The following PRKAG2 variants were observed in gnomAD, a reference collection of about 807,000 sequenced individuals.
The protein encoded by PRKAG2 is 5'-AMP-activated protein kinase subunit gamma-2.
PRKAG2 carries 26 observed loss-of-function variants against 69.6 expected under a neutral mutation model. The observed-to-expected ratio is 0.37, with a 90% CI of 0.27 to 0.52. The LOEUF (loss-of-function observed/expected upper bound fraction) is 0.52, where lower values mean the gene tolerates loss of function less well. Among genes scored for constraint, PRKAG2 ranks in the 20% least tolerant of loss-of-function variants. The probability of loss-of-function intolerance (pLI) is 0.90; values close to 1 mark genes in which losing one functional copy is unlikely to be tolerated. For missense variants in PRKAG2, 557 were observed against 740.0 expected, an observed-to-expected ratio of 0.75 and a Z score of 2.87; for synonymous variants, 293 against 285.0, an observed-to-expected ratio of 1.03 and a Z score of -0.28.
At chr7:151,640,738 A>G (rs560935446) in intron 4 of PRKAG2, among the ~76,000 whole-genome samples, 3 of 152,002 alleles carry the variant, frequency 2.0e-5, no homozygotes, top group East Asian at 3.9e-4. Flanking sequence ...CTCTGAACCC[A>G]CATGCTTCCA....
chr7:151,560,696 C>T (rs1804746861), intron 14 of PRKAG2, 79 bp from the exon 15 acceptor site: 1 of 1,545,214 alleles, frequency 6.5e-7, no homozygotes, highest in Non-Finnish European at 8.9e-7. Context: ...AATGTCCTGT[C>T]ATGTTTTTAT....
intron 1 of PRKAG2, among the ~76,000 whole-genome samples, chr7:151,825,088 C>A (rs899310286): frequency 6.6e-6 from 1 of 152,130 alleles, no homozygotes; most frequent in South Asian, 2.1e-4. Context: ...GTGGCAGGCG[C>A]GTGTAATCTC....
At position 151,781,512 on chromosome 7, in the gene PRKAG2, G is replaced by C; in HGVS notation, c.187-81C>G. On this transcript the variant is annotated intron_variant, in intron 2 of 15. Coordinates refer to ENST00000287878, the MANE Select transcript of PRKAG2 (RefSeq NM_016203.4). This position sits in a 1 kb window ranked among gnomAD's most constrained non-coding sequence, Gnocchi z 6.1. ...CCTGCCCTGTATGAAACTTATCATT[G>C]TCCTCTCTCACATGCGGGCCCCCCA... 6.6e-7 allele frequency: 1 copy of C among 1,505,574 alleles called. No homozygotes were observed. The highest frequency in any genetic ancestry group is 9.0e-7 in the Non-Finnish European group (1 of 1,115,732). The allele number at this position is 1,505,574 out of a possible 1,614,324, so 93.3% of individuals were successfully genotyped here.
At chr7:151,723,206 AG>A (rs1797396018) in intron 3 of PRKAG2, among the ~76,000 whole-genome samples, 1 of 152,148 alleles carries the variant, frequency 6.6e-6, no homozygotes, top group Non-Finnish European at 1.5e-5. Flanking sequence ...CCCTGGTAAA[AG>A]CCATAAGTCC....
chr7:151,704,094 T>C (rs1838214667), intron 3 of PRKAG2, among the ~76,000 whole-genome samples: 1 of 151,854 alleles, frequency 6.6e-6, no homozygotes, highest in Admixed American at 6.6e-5. Flanking sequence ...AGTAGGTGTA[T>C]ATATTTATGG....
intron 3 of PRKAG2, among the ~76,000 whole-genome samples, chr7:151,722,237 G>C (rs113294452): frequency 1.0e-3 from 156 of 152,254 alleles, no homozygotes; most frequent in African/African-American, 3.7e-3. Context: ...TATAAAAGGG[G>C]TTCAGCCCAT....
Position 151,814,429 on chromosome 7 carries a change from G to A in PRKAG2, c.115-27888C>T. 8.1e-7 allele frequency: 1 copy of A among 1,228,716 alleles called. No individual in the cohort carries two copies. Among genetic ancestry groups the A allele is most frequent in the South Asian group, 4.3e-5 (1 of 23,452 alleles). The allele number at this position is 1,228,716 out of a possible 1,614,324, so 76.1% of individuals were successfully genotyped here. On this transcript the variant is annotated intron_variant, in intron 1 of 15. Transcript: ENST00000287878. This position sits in a 1 kb window ranked among gnomAD's most constrained non-coding sequence, Gnocchi z 4.8. ...AGGTCTGCTTACTCAGCCCCAAGGG[G>A]TCCTGGAGGTCTTCTCTTCCAGATG...
intron 5 of PRKAG2, among the ~76,000 whole-genome samples, chr7:151,631,358 A>C (rs530557695): frequency 6.6e-6 from 1 of 152,352 alleles, no homozygotes; most frequent in African/African-American, 2.4e-5. Context: ...CAGCTTCAAA[A>C]TAAGATCCTG....
At chr7:151,784,726 G>A (rs1405871020) in intron 2 of PRKAG2, among the ~76,000 whole-genome samples, 1 of 152,228 alleles carries the variant, frequency 6.6e-6, no homozygotes, top group Non-Finnish European at 1.5e-5. Flanking sequence ...GGGGACCCCA[G>A]GATTATCCTG....
chr7:151,849,991 G>A (rs567298275), intron 1 of PRKAG2, among the ~76,000 whole-genome samples: 21 of 152,312 alleles, frequency 1.4e-4, no homozygotes, highest in Admixed American at 6.5e-4. Context: ...TGCCCAGCCC[G>A]CAGCACGTTT....
chr7:151,848,791 C>T (rs547623616), intron 1 of PRKAG2, among the ~76,000 whole-genome samples: 45 of 152,260 alleles, frequency 3.0e-4, no homozygotes, highest in Non-Finnish European at 8.8e-5. Context: ...TCCCAAAGTG[C>T]TGGGATCACA....
chr7:151,637,732 C>G (rs1825979709), intron 4 of PRKAG2, among the ~76,000 whole-genome samples: 1 of 146,206 alleles, frequency 6.8e-6, no homozygotes, highest in Non-Finnish European at 1.5e-5. Flanking sequence ...TTATAACACA[C>G]TAAGTCAATT....
At chr7:151,735,081 C>G (rs536088532) in intron 3 of PRKAG2, among the ~76,000 whole-genome samples, 1 of 152,084 alleles carries the variant, frequency 6.6e-6, no homozygotes, top group Non-Finnish European at 1.5e-5. Flanking sequence ...GTCTCGAACT[C>G]CTGACCTCAG....
chr7:151,561,126 C>T lies in PRKAG2; in HGVS notation c.1585-509G>A, dbSNP rs1804857600. On this transcript the variant is annotated intron_variant, in intron 14 of 15. Transcript: ENST00000287878. ...AAGGAAAGAGGGGAAAGCTATCTAT[C>T]TCCTGTCTCTAATGATACTGATTTG... 2.0e-5 allele frequency among the ~76,000 whole-genome samples: 3 copies of T among 152,302 alleles called. No homozygotes were observed. In the South Asian group the frequency reaches 6.2e-4, roughly 32 times the overall value.
chr7:151,556,655 CACTT>C lies in PRKAG2; in HGVS notation c.*542_*545del, dbSNP rs1197499028. The C allele has an allele frequency of 6.5e-6, 1 of 154,762 alleles. No homozygotes were observed. Among genetic ancestry groups the C allele is most frequent in the Admixed American group, 6.3e-5 (1 of 15,892 alleles). The allele number at this position is 154,762 out of a possible 1,614,324, so 9.6% of individuals were successfully genotyped here. A position where few individuals can be genotyped will look rare whatever the true frequency, so the allele number is the denominator to read the frequency against. On this transcript the variant is annotated 3_prime_UTR_variant, in exon 16 of 16. Coordinates refer to ENST00000287878, the MANE Select transcript of PRKAG2 (RefSeq NM_016203.4). Reference sequence around the variant, plus strand: ...GTTGACACGGTAGCCCAGAACAAAACACTTACGTGTAAAAGTGTCATTACAATTT... The same window carrying C: ...GTTGACACGGTAGCCCAGAACAAAACACGTGTAAAAGTGTCATTACAATTT...
intron 3 of PRKAG2, among the ~76,000 whole-genome samples, chr7:151,774,215 G>A (rs1292835049): frequency 6.6e-6 from 1 of 152,114 alleles, no homozygotes; most frequent in African/African-American, 2.4e-5. Flanking sequence ...CTGACCAGAG[G>A]CAAATGTTAG....
intron 3 of PRKAG2, among the ~76,000 whole-genome samples, chr7:151,698,363 G>A (rs1221331153): frequency 6.6e-6 from 1 of 152,088 alleles, no homozygotes; most frequent in Non-Finnish European, 1.5e-5. Flanking sequence ...TGCTTCCTGG[G>A]ATCATCGCTG....
chr7:151,818,842 C>T (rs1021530051), intron 1 of PRKAG2, among the ~76,000 whole-genome samples: 6 of 152,198 alleles, frequency 3.9e-5, no homozygotes, highest in African/African-American at 7.2e-5. Context: ...GGGATGTAGA[C>T]GGTGTGGCAT....
At chr7:151,728,018 C>T (rs556651504) in intron 3 of PRKAG2, among the ~76,000 whole-genome samples, 33 of 152,296 alleles carry the variant, frequency 2.2e-4, no homozygotes, top group Non-Finnish European at 3.4e-4. Context: ...GAGGCCACTG[C>T]GCTGCTCAGC....
Sources: gnomAD v4.1 joint callset for allele counts (sites outside exome capture counted in the v4.1 genomes callset) on GRCh38, gnomAD v4.1.1 for gene constraint, Gnocchi (gnomAD v3.1) non-coding constraint, MANE v1.5 for transcripts, NCBI Gene and HGNC (gene_info 2026-07-23, HGNC 2026-07-21) for gene names.